PKIB: variants seen among roughly 807,000 people sequenced by gnomAD.
The protein encoded by PKIB is PKI-beta.
PKIB carries 2 observed loss-of-function variants against 4.5 expected under a neutral mutation model. The ratio of observed to expected loss-of-function variants is 0.44; its 90% CI spans 0.18 to 1.39. The LOEUF (loss-of-function observed/expected upper bound fraction) is 1.39. Ranked by LOEUF, PKIB falls within the 40% of genes most tolerant of loss-of-function variation. The pLI, the probability that PKIB is intolerant of heterozygous loss-of-function variation, is 0.27. For missense variants in PKIB, 94 were observed against 92.6 expected (o/e 1.02, Z -0.06); for synonymous variants, 38 against 36.0 (o/e 1.06, Z -0.20).
chr6:122,692,966 A>G (rs1185753362), intron 3 of PKIB, among the ~76,000 whole-genome samples: 3 of 152,254 alleles, frequency 2.0e-5, no homozygotes, highest in Admixed American at 6.5e-5. Context: ...TCAAGTTAAG[A>G]GAAGGTAGGC....
intron 2 of PKIB, among the ~76,000 whole-genome samples, chr6:122,559,542 A>C (rs533886250): frequency 6.6e-6 from 1 of 150,390 alleles, no homozygotes; most frequent in Non-Finnish European, 1.5e-5. Flanking sequence ...TTTGTTCCCT[A>C]TGAATTTTAG....
rs115377817 is a variant in PKIB, at chr6:122,542,517, G to C, written c.-247-43404G>C. Among the ~76,000 whole-genome samples, 669 of 152,170 alleles carry C rather than the reference G, an allele frequency of 4.4e-3. 11 individuals carry two copies. Among genetic ancestry groups the C allele is most frequent in the African/African-American group, 0.015 (636 of 41,450 alleles). ...ACAGCGGTGGCTATAGAACTGCGGT[G>C]ACTATAGAACAGTGGATCTTGGTGA... On this transcript the variant is annotated intron_variant, in intron 2 of 6. Coordinates refer to the PKIB transcript ENST00000392491.
chr6:122,508,932 G>A (rs1776504727), intron 2 of PKIB, among the ~76,000 whole-genome samples: 1 of 152,032 alleles, frequency 6.6e-6, no homozygotes, highest in Non-Finnish European at 1.5e-5. Flanking sequence ...TGTATTTTTA[G>A]TAGAGACGGG....
intron 2 of PKIB, among the ~76,000 whole-genome samples, chr6:122,543,297 A>C (rs1389381953): frequency 1.3e-5 from 2 of 151,254 alleles, no homozygotes; most frequent in African/African-American, 4.9e-5. Context: ...TGCATCGCTC[A>C]CGCTGGGAAC....
intron 2 of PKIB, among the ~76,000 whole-genome samples, chr6:122,503,969 A>G (rs1261581899): frequency 6.6e-6 from 1 of 152,194 alleles, no homozygotes; most frequent in African/African-American, 2.4e-5. Context: ...AATTGATTCC[A>G]ATGCACTTCA....
At chr6:122,649,261 C>A (rs140793863) in intron 2 of PKIB, among the ~76,000 whole-genome samples, 17 of 152,272 alleles carry the variant, frequency 1.1e-4, no homozygotes, top group African/African-American at 4.1e-4. Context: ...GTACGTCTGG[C>A]CATTTCTCCT....
At chr6:122,482,584 T>C (rs946865922) in intron 2 of PKIB, 1 of 133,622 alleles carries the variant, frequency 7.5e-6, no homozygotes, top group Non-Finnish European at 1.5e-5. Context: ...GGAGTCTTGC[T>C]CTGTCACCCA....
At chr6:122,563,496 G>T (rs1773092808) in intron 2 of PKIB, among the ~76,000 whole-genome samples, 1 of 151,950 alleles carries the variant, frequency 6.6e-6, no homozygotes, top group South Asian at 2.1e-4. Flanking sequence ...TATAGAGAGG[G>T]ACTGGTGGTG....
At chr6:122,713,631 A>G (rs1779359205) in intron 3 of PKIB, among the ~76,000 whole-genome samples, 1 of 152,180 alleles carries the variant, frequency 6.6e-6, no homozygotes, top group South Asian at 2.1e-4. Flanking sequence ...ACTTAACGAT[A>G]TGCTATCATT....
intron 2 of PKIB, among the ~76,000 whole-genome samples, chr6:122,523,264 C>A (rs197694): frequency 0.51 from 77,224 of 151,926 alleles, 20,377 homozygotes; most frequent in South Asian, 0.68. Flanking sequence ...TTGTTTTGTC[C>A]TTCATTCTGT....
intron 2 of PKIB, among the ~76,000 whole-genome samples, chr6:122,508,348 GGTTAACACCA>G (rs1456404342): frequency 2.0e-5 from 3 of 152,210 alleles, no homozygotes; most frequent in Non-Finnish European, 4.4e-5. Flanking sequence ...AACCCTCAAG[GGTTAACACCA>G]GTTTTTTGAT....
chr6:122,677,941 T>C (rs1777751574), intron 3 of PKIB, among the ~76,000 whole-genome samples: 1 of 151,894 alleles, frequency 6.6e-6, no homozygotes, highest in Non-Finnish European at 1.5e-5. Flanking sequence ...GGAGTCTCGC[T>C]CTGTCGCCCA....
intron 1 of PKIB, among the ~76,000 whole-genome samples, chr6:122,614,554 A>G (rs1234573341): frequency 2.0e-5 from 3 of 149,014 alleles, no homozygotes; most frequent in Non-Finnish European, 3.0e-5. Context: ...AGTAAACTGT[A>G]GGCTTTCTTT....
chr6:122,683,527 G>A (rs760524897), intron 3 of PKIB, among the ~76,000 whole-genome samples: 3 of 152,138 alleles, frequency 2.0e-5, no homozygotes, highest in Non-Finnish European at 4.4e-5. Context: ...GCAGAGATTT[G>A]GGTGGGGACA....
intron 2 of PKIB, among the ~76,000 whole-genome samples, chr6:122,485,254 T>C (rs1562225039): frequency 6.6e-6 from 1 of 152,082 alleles, no homozygotes; most frequent in Non-Finnish European, 1.5e-5. Context: ...TGGTCTGTAT[T>C]TTTACTGAGA....
At chr6:122,526,862 T>C (rs1039443235) in intron 2 of PKIB, among the ~76,000 whole-genome samples, 1 of 152,176 alleles carries the variant, frequency 6.6e-6, no homozygotes, top group Admixed American at 6.6e-5. Context: ...TAAGAGTCAG[T>C]GATTTTCTCC....
chr6:122,611,527 A>AT (rs1774755309), intron 1 of PKIB, among the ~76,000 whole-genome samples: 1 of 152,182 alleles, frequency 6.6e-6, no homozygotes, highest in Non-Finnish European at 1.5e-5. Flanking sequence ...TAGAAAAAAA[A>AT]TTTTAAAAAA....
chr6:122,571,425 A>T (rs1202190764), intron 2 of PKIB, among the ~76,000 whole-genome samples: 3 of 152,234 alleles, frequency 2.0e-5, no homozygotes, highest in Non-Finnish European at 4.4e-5. Flanking sequence ...TTGCAAAAAG[A>T]TTATCACCAA....
At position 122,717,931 on chromosome 6, in the gene PKIB, C is replaced by T. The variant is rs1047605618; in HGVS notation, c.137C>T (p.Pro46Leu). ...GCCACAGACGGAACCTCAGATTTGC[C>T]CCTCAAACTGGAGGCTCTCTCCGTG... ...SAATDGTSDL[P>L]LKLEALSVKE... The change falls in exon 4 of 5, where the codon CCC (proline) becomes CTC (leucine). Residue 46 changes from proline to leucine, a missense_variant. By Grantham distance (98) the Pro-to-Leu change is moderately conservative. Transcript: ENST00000368452. 1.2e-6 allele frequency: 2 copies of T among 1,613,750 alleles called. No homozygotes were observed. The highest frequency in any genetic ancestry group is 1.7e-6 in the Non-Finnish European group (2 of 1,179,722).
Sources: gnomAD v4.1 joint callset for allele counts (sites outside exome capture counted in the v4.1 genomes callset) on GRCh38, gnomAD v4.1.1 for gene constraint, MANE v1.5 for transcripts, NCBI Gene and HGNC (gene_info 2026-07-23, HGNC 2026-07-21) for gene names.